TCP11L1: variants seen among roughly 807,000 people sequenced by gnomAD.
TCP11L1 encodes the protein t-complex 11 like 1.
TCP11L1 carries 28 observed loss-of-function variants against 48.9 expected under a neutral mutation model. The observed-to-expected ratio is 0.57, with a 90% CI of 0.42 to 0.78. The LOEUF is 0.78. TCP11L1 is among the 30% of genes least tolerant of loss of function. The probability of loss-of-function intolerance (pLI) is 0.00; values close to 1 mark genes in which losing one functional copy is unlikely to be tolerated. For missense variants in TCP11L1, 505 were observed against 613.4 expected (o/e 0.82, Z 1.87); for synonymous variants, 204 against 231.9 (o/e 0.88, Z 1.09).
At chr11:33,057,651 C>A (rs1472735724) in intron 4 of TCP11L1, among the ~76,000 whole-genome samples, 1 of 152,160 alleles carries the variant, frequency 6.6e-6, no homozygotes, top group Admixed American at 6.5e-5. Flanking sequence ...CTCACAGGCT[C>A]ACATTAATAA....
At chr11:33,042,441 C>T (rs1853865997) in intron 1 of TCP11L1, among the ~76,000 whole-genome samples, 7 of 151,994 alleles carry the variant, frequency 4.6e-5, no homozygotes, top group Admixed American at 4.6e-4. Flanking sequence ...TTTGGGAGGC[C>T]CAGGCAGACC....
chr11:33,068,829 A>G lies in TCP11L1; in HGVS notation c.1297A>G (p.Ser433Gly). Residue 433 changes from serine (S) to glycine (G), a missense_variant, in exon 9 of 10, where the codon AGT (serine) becomes GGT (glycine). Ser to Gly is a moderately conservative substitution (Grantham distance 56, BLOSUM62 0). This residue lies in a region of TCP11L1 where 335 missense variants were observed against 413.3 expected (regional missense o/e 0.81). Transcript: ENST00000334274. The part of the protein sequence containing the change: ...VLKGQIQAVA[S>G]PDDPIRRIME... ...CAAGGGCCAGATCCAGGCCGTGGCC[A>G]GTCCCGATGACCCCATTCGCAGGAT... 1 of 1,613,892 alleles carries G rather than the reference A, an allele frequency of 6.2e-7. No homozygotes were observed. The highest frequency in any genetic ancestry group is 1.1e-5 in the South Asian group (1 of 91,060).
intron 8 of TCP11L1, among the ~76,000 whole-genome samples, chr11:33,067,127 T>G (rs1193758531): frequency 6.6e-6 from 1 of 152,220 alleles, no homozygotes; most frequent in African/African-American, 2.4e-5. Flanking sequence ...GCTTGTTCCC[T>G]GTAGGCGTTC....
intron 7 of TCP11L1, among the ~76,000 whole-genome samples, chr11:33,065,152 T>G (rs1235848326): frequency 2.0e-5 from 3 of 152,254 alleles, no homozygotes; most frequent in Non-Finnish European, 4.4e-5. Context: ...GAGTGCTGGC[T>G]CTGCCAGCCA....
intron 8 of TCP11L1, among the ~76,000 whole-genome samples, chr11:33,067,446 C>T (rs1442128141): frequency 6.6e-6 from 1 of 152,166 alleles, no homozygotes; most frequent in Non-Finnish European, 1.5e-5. Flanking sequence ...GTGACTAGGG[C>T]CTCAACAGTT....
At position 33,051,631 on chromosome 11, in the gene TCP11L1, T is replaced by G. The variant is rs59634901; in HGVS notation, c.164-2962T>G. Among the ~76,000 whole-genome samples, 1,407 of 152,200 alleles carry G rather than the reference T, an allele frequency of 9.2e-3. 17 individuals are homozygous for G. The highest frequency in any genetic ancestry group is 0.031 in the African/African-American group (1,280 of 41,528). On this transcript the variant is annotated intron_variant, in intron 2 of 9. Transcript: ENST00000334274. The stretch of plus-strand genomic sequence containing the variant: ...GCAACCTCTGTCTCCTGGGCTTAAA[T>G]GATTTTTAGTAGAGACAGGATTTCG...
intron 2 of TCP11L1, among the ~76,000 whole-genome samples, chr11:33,044,314 GAGTA>G (rs1853925395): frequency 7.7e-6 from 1 of 130,060 alleles, no homozygotes; most frequent in South Asian, 3.4e-4. Context: ...AAAAAAATGT[GAGTA>G]AGTTCACCAC....
In TCP11L1 at chr11:33,057,255, G is replaced by A. The variant is rs1303276137; in HGVS notation, c.417+20G>A. On this transcript the variant is annotated intron_variant, in intron 4 of 9. Transcript: ENST00000334274. ...AAAGAGGTGAGGCAAAGAGTGAATT[G>A]TGATGCTTTTCTGGTGTGTTAGGAG... The A allele has an allele frequency of 6.2e-7, 1 of 1,614,064 alleles. No individual in the cohort carries two copies. Among genetic ancestry groups the A allele is most frequent in the East Asian group, 2.2e-5 (1 of 44,860 alleles).
At chr11:33,067,055 A>G (rs1374749963) in intron 8 of TCP11L1, among the ~76,000 whole-genome samples, 2 of 152,178 alleles carry the variant, frequency 1.3e-5, no homozygotes, top group African/African-American at 2.4e-5. Context: ...GAGGAAGGTC[A>G]TGAGAGAAAC....
At chr11:33,047,703 G>A (rs1235870865) in intron 2 of TCP11L1, among the ~76,000 whole-genome samples, 2 of 152,214 alleles carry the variant, frequency 1.3e-5, no homozygotes, top group South Asian at 4.1e-4. Flanking sequence ...AGTGCATACT[G>A]TATGTCAGGG....
In TCP11L1 at chr11:33,072,416, A is replaced by G. The variant is rs1590247985; in HGVS notation, c.1328-58A>G. 5.7e-6 allele frequency: 9 copies of G among 1,584,178 alleles called. No homozygotes were observed. The East Asian group carries it at 1.3e-4, about 24-fold the overall frequency. On this transcript the variant is annotated intron_variant, in intron 9 of 9. Transcript: ENST00000334274. The stretch of plus-strand genomic sequence containing the variant: ...ATGGTTAAGCTAAGAACTGAAGCAC[A>G]GTAAGGTTTGTAAGGTGAAGGACAA...
intron 7 of TCP11L1, among the ~76,000 whole-genome samples, chr11:33,065,026 G>T (rs991345076): frequency 5.9e-5 from 9 of 152,210 alleles, no homozygotes; most frequent in African/African-American, 1.9e-4. Flanking sequence ...CACAGGACTT[G>T]GGAATTTCCA....
chr11:33,052,212 C>A (rs938164330), intron 2 of TCP11L1, among the ~76,000 whole-genome samples: 12 of 152,016 alleles, frequency 7.9e-5, no homozygotes, highest in African/African-American at 2.4e-4. Context: ...GTATAACAAA[C>A]CTGCACATGT....
chr11:33,046,502 A>G (rs1306556099), intron 2 of TCP11L1, among the ~76,000 whole-genome samples: 1 of 131,814 alleles, frequency 7.6e-6, no homozygotes, highest in African/African-American at 3.0e-5. Flanking sequence ...CCAAAAAAGT[A>G]TATCAACATT....
At chr11:33,047,640 G>T (rs58464490) in intron 2 of TCP11L1, among the ~76,000 whole-genome samples, 2 of 152,116 alleles carry the variant, frequency 1.3e-5, no homozygotes, top group African/African-American at 4.8e-5. Flanking sequence ...TAAAGCTCAT[G>T]ACTAGACTTT....
At chr11:33,065,777 T>C (rs1240636317) in intron 7 of TCP11L1, 53 bp from the exon 8 acceptor site, 28 of 1,580,336 alleles carry the variant, frequency 1.8e-5, no homozygotes, top group Non-Finnish European at 8.6e-7. Flanking sequence ...TCCCGCCCTC[T>C]GCTGGCCAAC....
At chr11:33,046,972 C>CT (rs1854014945) in intron 2 of TCP11L1, among the ~76,000 whole-genome samples, 1 of 152,088 alleles carries the variant, frequency 6.6e-6, no homozygotes, top group South Asian at 2.1e-4. Context: ...CCTATAAGCA[C>CT]TTTGGGAGGC....
chr11:33,050,820 C>CT (rs67890341), intron 2 of TCP11L1, among the ~76,000 whole-genome samples: 83,785 of 147,326 alleles, frequency 0.57, 23,552 homozygotes, highest in East Asian at 0.75. Flanking sequence ...ATCTGTGATT[C>CT]TTTTTTTTTT....
chr11:33,059,046 A>T lies in TCP11L1; in HGVS notation c.726A>T (p.Ser242=), dbSNP rs774245356. The change falls in exon 6 of 10, where the codon TCA becomes TCT. Residue 242 remains serine (S), a synonymous_variant. Transcript: ENST00000334274. ...TCAGGCCTCATCTCATGCAGCAGTCAGTTGAATACGAAAGGAAGAAGTTTC... is the reference window on the plus strand; with the variant it reads ...TCAGGCCTCATCTCATGCAGCAGTCTGTTGAATACGAAAGGAAGAAGTTTC... ...SSIRPHLMQQ[S]VEYERKKFQE... is the part of the protein sequence containing the mutation. 2 of 1,614,236 alleles carry T rather than the reference A, an allele frequency of 1.2e-6. No homozygotes were observed. Among genetic ancestry groups the T allele is most frequent in the Admixed American group, 3.3e-5 (2 of 60,022 alleles).
Sources: allele counts gnomAD v4.1 joint callset (sites outside exome capture counted in the v4.1 genomes callset), GRCh38; gene constraint gnomAD v4.1.1; regional missense constraint gnomAD v4.1.1; transcripts MANE v1.5; gene names NCBI Gene and HGNC (gene_info 2026-07-23, HGNC 2026-07-21).